Variants in ZNF75D observed in about 807,000 individuals in gnomAD.
ZNF75D encodes the protein zinc finger protein 75.
Under a neutral mutation model 33.3 loss-of-function variants are expected in ZNF75D, and 33 were observed. The observed-to-expected ratio is 0.99, with a 90% confidence interval of 0.75 to 1.32. ZNF75D has a LOEUF of 1.32. Among genes scored for constraint, ZNF75D ranks in the 40% most tolerant of loss-of-function variants. ZNF75D has a pLI of 0.00. For synonymous variants in ZNF75D, 113 were observed against 130.6 expected (o/e 0.87, Z 0.92); for missense variants, 338 against 367.5 (o/e 0.92, Z 0.66).
At chrX:135,296,386 C>T (rs187806036) in intron 1 of ZNF75D, among the ~76,000 whole-genome samples, 1 of 111,722 alleles carries the variant, frequency 9.0e-6, no homozygotes, top group Middle Eastern at 4.6e-3. Flanking sequence ...GGCTTCCTGG[C>T]GGCTGGCAGC....
intron 6 of ZNF75D, among the ~76,000 whole-genome samples, chrX:135,289,130 T>G (rs1169502176): frequency 8.9e-6 from 1 of 112,428 alleles, no homozygotes; most frequent in Non-Finnish European, 1.9e-5. Context: ...CATGGTGGAT[T>G]TTCACCGTGC....
chrX:135,328,808 T>C (rs1477548666), intron 1 of ZNF75D, among the ~76,000 whole-genome samples: 1 of 111,964 alleles, frequency 8.9e-6, no homozygotes, highest in Non-Finnish European at 1.9e-5. Flanking sequence ...ACAGGTTCAT[T>C]GTCTATGTTT....
intron 1 of ZNF75D, among the ~76,000 whole-genome samples, chrX:135,302,557 C>T (rs1385859307): frequency 1.8e-5 from 2 of 112,779 alleles, no homozygotes; most frequent in African/African-American, 6.4e-5. Flanking sequence ...CCTTGACTGG[C>T]ATGGCCTTAG....
intron 2 of ZNF75D, among the ~76,000 whole-genome samples, chrX:135,295,332 T>C (rs1197907515): frequency 8.9e-6 from 1 of 111,819 alleles, no homozygotes; most frequent in Non-Finnish European, 1.9e-5. Flanking sequence ...TCATAAGCCA[T>C]CAAAAATCAG....
chrX:135,304,734 C>T (rs1466325139), intron 1 of ZNF75D, among the ~76,000 whole-genome samples: 1 of 112,850 alleles, frequency 8.9e-6, no homozygotes, highest in Non-Finnish European at 1.9e-5. Flanking sequence ...ACATTTAAAA[C>T]ATGCTACCTA....
At chrX:135,307,069 C>T (rs1481639177) in intron 1 of ZNF75D, among the ~76,000 whole-genome samples, 1 of 111,445 alleles carries the variant, frequency 9.0e-6, no homozygotes, top group Non-Finnish European at 1.9e-5. Flanking sequence ...ATCAACCTCT[C>T]CTGGCCTATT....
At chrX:135,282,168 T>A (rs781855586), downstream of ZNF75D, among the ~76,000 whole-genome samples, 26 of 112,260 alleles carry the variant, frequency 2.3e-4, no homozygotes, top group African/African-American at 8.1e-4. Flanking sequence ...GCTGCTGCCT[T>A]TCTTTCAGAG....
chrX:135,294,134 T>C lies in ZNF75D; in HGVS notation c.7A>G (p.Met3Val), dbSNP rs782506898. The change falls in exon 3 of 7, where the codon ATG (methionine) becomes GTG (valine). Residue 3 changes from methionine to valine, a missense_variant. Coordinates refer to ENST00000370766, the MANE Select transcript of ZNF75D (RefSeq NM_007131.5). ...CATGAATCCGCGTTCAGCTCTCTCA[T>C]CGCCATTTGCTCTAGGAACAGTTTT... MA[M>V]RELNADSCSS... 1 of 1,187,895 alleles carries C rather than the reference T, an allele frequency of 8.4e-7. No homozygotes were observed. Among genetic ancestry groups the C allele is most frequent in the South Asian group, 1.9e-5 (1 of 52,785 alleles).
intron 1 of ZNF75D, among the ~76,000 whole-genome samples, chrX:135,339,477 T>C (rs1307348801): frequency 4.5e-5 from 5 of 111,960 alleles, no homozygotes; most frequent in African/African-American, 1.6e-4. Flanking sequence ...TTGCTGCCTC[T>C]TGTTGGTGTG....
intron 1 of ZNF75D, among the ~76,000 whole-genome samples, chrX:135,276,104 G>C (rs1335680003): frequency 9.0e-6 from 1 of 111,592 alleles, no homozygotes; most frequent in Non-Finnish European, 1.9e-5. Flanking sequence ...CTCTCTCTCT[G>C]TGCAAATTGG....
chrX:135,293,896 A>C lies in ZNF75D; in HGVS notation c.245T>G (p.Ile82Ser), dbSNP rs2084085263. 8.3e-7 allele frequency: 1 copy of C among 1,209,743 alleles called. No individual in the cohort carries two copies. Among genetic ancestry groups the C allele is most frequent in the African/African-American group, 1.7e-5 (1 of 57,282 alleles). ...KLCHQWLRPEIHSKEQILEML... is the reference protein window; with the variant it reads ...KLCHQWLRPESHSKEQILEML... Reference sequence around the variant, plus strand: ...TTCCAAGATCTGCTCTTTTGAGTGGATCTCTGGCCTCAGCCACTGATGGCA... The same window carrying C: ...TTCCAAGATCTGCTCTTTTGAGTGGCTCTCTGGCCTCAGCCACTGATGGCA... The change falls in exon 3 of 7, where the codon ATC becomes AGC. Residue 82 changes from isoleucine (I) to serine (S), a missense_variant. This residue lies in a region of ZNF75D where 254 missense variants were observed against 267.7 expected (regional missense o/e 0.95). Coordinates refer to ENST00000370766, the MANE Select transcript of ZNF75D (RefSeq NM_007131.5).
chrX:135,300,529 T>C (rs781931625), intron 1 of ZNF75D, among the ~76,000 whole-genome samples: 1 of 111,064 alleles, frequency 9.0e-6, no homozygotes, highest in African/African-American at 3.3e-5. Context: ...TGGTGGATCA[T>C]GAGTTCAGGA....
chrX:135,311,909 T>C (rs1339426003), intron 1 of ZNF75D, among the ~76,000 whole-genome samples: 1 of 112,051 alleles, frequency 8.9e-6, no homozygotes, highest in Non-Finnish European at 1.9e-5. Flanking sequence ...ATGTGTTATT[T>C]TGTTACAAGC....
chrX:135,308,562 T>C (rs782686943), intron 1 of ZNF75D, among the ~76,000 whole-genome samples: 71 of 111,920 alleles, frequency 6.3e-4, no homozygotes, highest in African/African-American at 2.1e-3. Context: ...TCAGTTCCAA[T>C]CTCACCTTTC....
At chrX:135,318,800 T>G (rs1301958090) in intron 1 of ZNF75D, among the ~76,000 whole-genome samples, 3 of 111,759 alleles carry the variant, frequency 2.7e-5, no homozygotes, top group Non-Finnish European at 3.8e-5. Flanking sequence ...GCGTGGTATT[T>G]AGTACAGGAG....
chrX:135,257,463 C>G (rs1230999728), intron 1 of ZNF75D, among the ~76,000 whole-genome samples: 2 of 113,238 alleles, frequency 1.8e-5, no homozygotes, highest in Non-Finnish European at 3.7e-5. Context: ...AGTGGGAAAA[C>G]TGTATCGTAG....
intron 1 of ZNF75D, among the ~76,000 whole-genome samples, chrX:135,274,977 A>G (rs1556417422): frequency 8.9e-6 from 1 of 111,988 alleles, no homozygotes; most frequent in African/African-American, 3.2e-5. Flanking sequence ...AATGTGCCAG[A>G]AAGTGTTGTG....
At chrX:135,302,046 C>T (rs1354398593) in intron 1 of ZNF75D, among the ~76,000 whole-genome samples, 1 of 112,337 alleles carries the variant, frequency 8.9e-6, no homozygotes, top group Admixed American at 9.4e-5. Flanking sequence ...GGCTTGTACC[C>T]TCTGAAGCAA....
chrX:135,298,314 C>T lies in ZNF75D; in HGVS notation c.-390-2275G>A, dbSNP rs184811731. The T allele has an allele frequency of 1.2e-4, 14 of 112,199 alleles. No individual in the cohort carries two copies. In the East Asian group the frequency reaches 3.9e-3, roughly 31 times the overall value. 9.2% of individuals were successfully genotyped at this position (112,199 alleles called of 1,213,427 possible). ...AAGTTGTTCAAAAAAAGAGGAGAGACTGATGAAGAACAACAACAGATGGCT... is the reference window on the plus strand; with the variant it reads ...AAGTTGTTCAAAAAAAGAGGAGAGATTGATGAAGAACAACAACAGATGGCT... On this transcript the variant is annotated intron_variant, in intron 1 of 6. Coordinates refer to ENST00000370766, the MANE Select transcript of ZNF75D (RefSeq NM_007131.5).
Sources: allele counts gnomAD v4.1 joint callset (sites outside exome capture counted in the v4.1 genomes callset), GRCh38; gene constraint gnomAD v4.1.1; regional missense constraint gnomAD v4.1.1; transcripts MANE v1.5; gene names NCBI Gene and HGNC (gene_info 2026-07-23, HGNC 2026-07-21).